The following MAGI1 variants were observed in gnomAD, a reference collection of about 807,000 sequenced individuals.
MAGI1 encodes membrane-associated guanylate kinase, WW and PDZ domain-containing protein 1.
A neutral mutation model predicts 139.9 loss-of-function variants in MAGI1; 58 were observed. That is an observed-to-expected ratio of 0.41 (90% CI 0.34 to 0.52). MAGI1 has a LOEUF of 0.52. Among genes scored for constraint, MAGI1 ranks in the 20% least tolerant of loss-of-function variants. The pLI is 0.12. For missense variants in MAGI1, 1,874 were observed against 1,901.6 expected (o/e 0.99, Z 0.27); for synonymous variants, 812 against 737.9 (o/e 1.10, Z -1.63).
intron 1 of MAGI1, among the ~76,000 whole-genome samples, chr3:65,861,053 G>A (rs1184991425): frequency 6.6e-6 from 1 of 152,190 alleles, no homozygotes; most frequent in Non-Finnish European, 1.5e-5. Context: ...CTCCATGGAT[G>A]TGAGAGGGAC....
At chr3:65,465,688 G>A (rs1173474513) in intron 5 of MAGI1, among the ~76,000 whole-genome samples, 2 of 152,052 alleles carry the variant, frequency 1.3e-5, no homozygotes, top group Admixed American at 6.6e-5. Context: ...TCAAAAATTT[G>A]ACTATGAATG....
intron 1 of MAGI1, among the ~76,000 whole-genome samples, chr3:65,706,928 T>C (rs1191317774): frequency 1.3e-5 from 2 of 152,198 alleles, no homozygotes; most frequent in African/African-American, 4.8e-5. Flanking sequence ...CCTAGTCCTA[T>C]AATTCCATCT....
rs146543781 is a variant in MAGI1 at position 65,959,118 on chromosome 3, C to G, written c.313+78878G>C. 2.0e-5 allele frequency among the ~76,000 whole-genome samples: 3 copies of G among 152,334 alleles called. No individual in the cohort carries two copies. In the East Asian group the frequency reaches 5.8e-4, roughly 29 times the overall value. On this transcript the variant is annotated intron_variant, in intron 1 of 22. Transcript: ENST00000402939. Reference sequence around the variant, plus strand: ...AAGTCTCTGGAAGTTTCTGAGGGCACAGTCACTCCAAAAGATACAAATCCT... The same window carrying G: ...AAGTCTCTGGAAGTTTCTGAGGGCAGAGTCACTCCAAAAGATACAAATCCT...
At chr3:65,866,194 G>T (rs893259234) in intron 1 of MAGI1, among the ~76,000 whole-genome samples, 1 of 149,416 alleles carries the variant, frequency 6.7e-6, no homozygotes, top group Non-Finnish European at 1.5e-5. Flanking sequence ...GGGAATTGTT[G>T]GTATTTGCTG....
At chr3:65,855,152 C>CGT (rs951071019) in intron 1 of MAGI1, among the ~76,000 whole-genome samples, 61 of 152,044 alleles carry the variant, frequency 4.0e-4, no homozygotes, top group African/African-American at 1.4e-3. Flanking sequence ...ACTTAGCACC[C>CGT]TAACCAGCAG....
chr3:65,808,725 C>T (rs2041032433), intron 1 of MAGI1, among the ~76,000 whole-genome samples: 1 of 152,170 alleles, frequency 6.6e-6, no homozygotes, highest in African/African-American at 2.4e-5. Flanking sequence ...CTCCACCCAC[C>T]TCACAAATTG....
At chr3:65,386,993 T>C in intron 14 of MAGI1, 1 of 639,084 alleles carries the variant, frequency 1.6e-6, no homozygotes, top group Non-Finnish European at 2.7e-6. Context: ...TTGGTTTGCG[T>C]TTGGTCAACA....
intron 1 of MAGI1, among the ~76,000 whole-genome samples, chr3:65,995,473 T>C (rs978952547): frequency 1.3e-5 from 2 of 151,904 alleles, no homozygotes; most frequent in Non-Finnish European, 2.9e-5. Context: ...GTAGAGGTGA[T>C]ACAGACAAGA....
At chr3:65,505,239 C>T (rs568763657) in intron 2 of MAGI1, among the ~76,000 whole-genome samples, 4 of 152,052 alleles carry the variant, frequency 2.6e-5, no homozygotes, top group Admixed American at 1.3e-4. Context: ...CAATTTCAAC[C>T]AGATAATTTT....
intron 1 of MAGI1, among the ~76,000 whole-genome samples, chr3:65,822,976 C>T (rs886422665): frequency 6.6e-6 from 1 of 152,170 alleles, no homozygotes; most frequent in African/African-American, 2.4e-5. Context: ...CAACCAAATA[C>T]AATGTGTGCA....
chr3:65,828,080 G>A (rs1452177930), intron 1 of MAGI1, among the ~76,000 whole-genome samples: 1 of 152,196 alleles, frequency 6.6e-6, no homozygotes, highest in Admixed American at 6.5e-5. Flanking sequence ...ATTCTGCAGT[G>A]ACAAGAGCCC....
chr3:65,936,326 T>C (rs554361915), intron 1 of MAGI1, among the ~76,000 whole-genome samples: 1 of 152,140 alleles, frequency 6.6e-6, no homozygotes, highest in Admixed American at 6.6e-5. Context: ...CCACAGCAAG[T>C]CAACTGCAAA....
At chr3:65,680,795 T>TATATG (rs142469043) in intron 1 of MAGI1, among the ~76,000 whole-genome samples, 171 of 151,256 alleles carry the variant, frequency 1.1e-3, no homozygotes, top group South Asian at 6.4e-3. Flanking sequence ...TATGATATGA[T>TATATG]ATACTTTAAT....
intron 2 of MAGI1, among the ~76,000 whole-genome samples, chr3:65,533,326 T>C (rs1229789792): frequency 3.3e-5 from 5 of 152,164 alleles, no homozygotes; most frequent in Non-Finnish European, 2.9e-5. Context: ...AGGGGCTTCA[T>C]AGTAACACTG....
chr3:65,932,381 G>T (rs2062843768), intron 1 of MAGI1, among the ~76,000 whole-genome samples: 1 of 152,140 alleles, frequency 6.6e-6, no homozygotes, highest in African/African-American at 2.4e-5. Flanking sequence ...AAATAAAAAA[G>T]AAAGATTAGG....
intron 1 of MAGI1, among the ~76,000 whole-genome samples, chr3:65,672,075 G>A (rs1446242987): frequency 1.3e-5 from 2 of 152,186 alleles, no homozygotes; most frequent in Non-Finnish European, 2.9e-5. Context: ...AGTGGTTGCT[G>A]CATTCCTGGG....
chr3:65,373,371 C>T (rs1464059389), intron 18 of MAGI1, among the ~76,000 whole-genome samples: 1 of 151,976 alleles, frequency 6.6e-6, no homozygotes, highest in Non-Finnish European at 1.5e-5. Flanking sequence ...TGTGGCACCC[C>T]CAAACAATTA....
At chr3:65,568,450 G>C (rs558039485) in intron 2 of MAGI1, among the ~76,000 whole-genome samples, 2 of 152,226 alleles carry the variant, frequency 1.3e-5, no homozygotes, top group East Asian at 3.9e-4. Flanking sequence ...GTGTCAACTT[G>C]GTGAAACAGT....
chr3:65,839,702 T>C (rs553092068), intron 1 of MAGI1, among the ~76,000 whole-genome samples: 1 of 152,298 alleles, frequency 6.6e-6, no homozygotes, highest in East Asian at 1.9e-4. Flanking sequence ...GAAGAATTCT[T>C]AGACACGACA....
Sources: allele counts gnomAD v4.1 joint callset (sites outside exome capture counted in the v4.1 genomes callset), GRCh38; gene constraint gnomAD v4.1.1; transcripts MANE v1.5; gene names NCBI Gene and HGNC (gene_info 2026-07-23, HGNC 2026-07-21).